The following CHRM5 variants were observed in gnomAD, a reference collection of about 807,000 sequenced individuals.
CHRM5 encodes muscarinic acetylcholine receptor M5.
A neutral mutation model predicts 39.0 loss-of-function variants in CHRM5; 18 were observed. The observed-to-expected ratio is 0.46, with a 90% CI of 0.32 to 0.68. CHRM5 has a LOEUF of 0.68. Among genes scored for constraint, CHRM5 ranks in the 30% least tolerant of loss-of-function variants. The pLI is 0.04. For synonymous variants in CHRM5, 241 were observed against 246.3 expected, an observed-to-expected ratio of 0.98 and a Z score of 0.20; for missense variants, 515 against 651.1, an observed-to-expected ratio of 0.79 and a Z score of 2.28.
chr15:34,062,574 A>C lies in CHRM5; in HGVS notation c.-75-69A>C, dbSNP rs565600224. The C allele has an allele frequency of 8.5e-4, 611 of 715,760 alleles. 7 individuals are homozygous for C. In the African/African-American group the frequency reaches 9.9e-3, roughly 12 times the overall value. 44.3% of individuals were successfully genotyped at this position (715,760 alleles called of 1,614,324 possible). ...TGTCTCAAAAAAAAAAAAAAAAAAA[A>C]CTATAAACAATGGATGGACAAGAAA... On this transcript the variant is annotated intron_variant, in intron 2 of 2. Coordinates refer to ENST00000383263, the MANE Select transcript of CHRM5 (RefSeq NM_012125.4).
intron 1 of CHRM5, among the ~76,000 whole-genome samples, chr15:33,974,187 G>C (rs1451015619): frequency 6.6e-6 from 1 of 152,112 alleles, no homozygotes; most frequent in Non-Finnish European, 1.5e-5. Flanking sequence ...AATTGGTCTT[G>C]CTATTAAAAA....
At chr15:33,990,359 G>A (rs1395458454) in intron 1 of CHRM5, among the ~76,000 whole-genome samples, 3 of 152,044 alleles carry the variant, frequency 2.0e-5, no homozygotes, top group Admixed American at 6.6e-5. Flanking sequence ...TCCAGCATGG[G>A]CGACAGAGTG....
At chr15:34,024,472 CA>C (rs10531898) in intron 1 of CHRM5, among the ~76,000 whole-genome samples, 16,674 of 101,328 alleles carry the variant, frequency 0.16, 766 homozygotes, top group Middle Eastern at 0.25. Flanking sequence ...GACCCTGTCT[CA>C]AAAAAAAAAA....
chr15:33,969,282 A>C (rs1337268920), intron 1 of CHRM5, 132 bp downstream of exon 1: 1 of 152,114 alleles, frequency 6.6e-6, no homozygotes, highest in Non-Finnish European at 1.5e-5. Flanking sequence ...AAGCTGAGGT[A>C]AACGCTTGTT....
chr15:33,994,256 C>A (rs1340654969), intron 1 of CHRM5, among the ~76,000 whole-genome samples: 3 of 152,172 alleles, frequency 2.0e-5, no homozygotes, highest in African/African-American at 7.2e-5. Context: ...GGAGCCAAAC[C>A]CTATTGTGAA....
intron 1 of CHRM5, among the ~76,000 whole-genome samples, chr15:34,043,304 T>C (rs1415620945): frequency 6.6e-6 from 1 of 151,524 alleles, no homozygotes; most frequent in Non-Finnish European, 1.5e-5. Context: ...GAAAAGTAGA[T>C]GTTATGATAG....
intron 2 of CHRM5, among the ~76,000 whole-genome samples, chr15:34,057,843 A>C (rs1425356161): frequency 1.3e-5 from 2 of 152,232 alleles, no homozygotes; most frequent in African/African-American, 4.8e-5. Flanking sequence ...CTAGGTTTTT[A>C]ATCTGAAGCT....
intron 1 of CHRM5, among the ~76,000 whole-genome samples, chr15:34,016,270 T>TTA (rs939516785): frequency 1.3e-5 from 2 of 152,010 alleles, no homozygotes; most frequent in African/African-American, 4.8e-5. Context: ...GGAAAGCAAC[T>TTA]TATCTCTCCT....
At chr15:33,990,157 T>C (rs547996994) in intron 1 of CHRM5, among the ~76,000 whole-genome samples, 1 of 151,612 alleles carries the variant, frequency 6.6e-6, no homozygotes, top group South Asian at 2.1e-4. Flanking sequence ...TGAGCCGAGA[T>C]TGCATCGTTG....
At chr15:34,055,266 G>A (rs1900092483) in intron 2 of CHRM5, among the ~76,000 whole-genome samples, 2 of 151,708 alleles carry the variant, frequency 1.3e-5, no homozygotes, top group African/African-American at 4.8e-5. Context: ...GGGAGGCCGA[G>A]GTGGGTGGAT....
rs1895491550 is a variant in CHRM5 at position 33,968,649 on chromosome 15, G to A, written c.-909G>A. ...AAATGCCTTCATCTTCTACAGAAAGGAAGCTGATGGACTGAAAAGTTCGTA... is the reference window on the plus strand; with the variant it reads ...AAATGCCTTCATCTTCTACAGAAAGAAAGCTGATGGACTGAAAAGTTCGTA... On this transcript the variant is annotated 5_prime_UTR_variant, in exon 1 of 3. Coordinates refer to ENST00000383263, the MANE Select transcript of CHRM5 (RefSeq NM_012125.4). 1 of 152,124 alleles carries A rather than the reference G, an allele frequency of 6.6e-6. No homozygotes were observed. Among genetic ancestry groups the A allele is most frequent in the Non-Finnish European group, 1.5e-5 (1 of 67,976 alleles). The allele number at this position is 152,124 out of a possible 1,614,324, so 9.4% of individuals were successfully genotyped here.
At chr15:33,987,223 C>T (rs1896515078) in intron 1 of CHRM5, among the ~76,000 whole-genome samples, 1 of 152,202 alleles carries the variant, frequency 6.6e-6, no homozygotes, top group African/African-American at 2.4e-5. Flanking sequence ...TAAGAATGTA[C>T]AATGCAGTAT....
At position 34,013,366 on chromosome 15, in the gene CHRM5, G is replaced by A. The variant is rs115994132; in HGVS notation, c.-407-33174G>A. 9.9e-3 allele frequency among the ~76,000 whole-genome samples: 1,507 copies of A among 152,250 alleles called. 35 individuals carry two copies. Among genetic ancestry groups the A allele is most frequent in the African/African-American group, 0.035 (1,439 of 41,536 alleles). On this transcript the variant is annotated intron_variant, in intron 1 of 2. Transcript: ENST00000383263. The stretch of plus-strand genomic sequence containing the variant: ...TGTGAGCCACTGGGCCTGGCCAAAT[G>A]TTTTAAATAAAATGAAAATAAAAAC...
intron 1 of CHRM5, among the ~76,000 whole-genome samples, chr15:34,030,635 G>A (rs1898743765): frequency 6.6e-6 from 1 of 151,220 alleles, no homozygotes; most frequent in African/African-American, 2.4e-5. Flanking sequence ...GCCTGGTTTG[G>A]GGGGTTTTGT....
At chr15:34,013,315 G>A (rs145416368) in intron 1 of CHRM5, among the ~76,000 whole-genome samples, 2,467 of 152,270 alleles carry the variant, frequency 0.016, 68 homozygotes, top group African/African-American at 0.054. Flanking sequence ...ATCTGCCTTG[G>A]CCTCCCAAAG....
chr15:33,998,290 A>G (rs1455300791), intron 1 of CHRM5, among the ~76,000 whole-genome samples: 5 of 152,114 alleles, frequency 3.3e-5, no homozygotes, highest in African/African-American at 1.2e-4. Context: ...TTCTGGATCT[A>G]TCAACAAGTA....
chr15:34,030,644 G>A (rs989901838), intron 1 of CHRM5, among the ~76,000 whole-genome samples: 2 of 151,206 alleles, frequency 1.3e-5, no homozygotes, highest in Admixed American at 6.6e-5. Flanking sequence ...GGGGGGTTTT[G>A]TTGAGAAAGA....
intron 1 of CHRM5, among the ~76,000 whole-genome samples, chr15:34,001,102 C>T (rs568890096): frequency 4.7e-5 from 7 of 149,604 alleles, no homozygotes; most frequent in Admixed American, 1.3e-4. Context: ...CTCACTACAA[C>T]CCCCACCTCC....
At chr15:34,031,828 G>C (rs1012671548) in intron 1 of CHRM5, among the ~76,000 whole-genome samples, 1 of 152,054 alleles carries the variant, frequency 6.6e-6, no homozygotes, top group African/African-American at 2.4e-5. Context: ...ACATCAGTTT[G>C]TATTTCTTTT....
Sources: allele counts gnomAD v4.1 joint callset (sites outside exome capture counted in the v4.1 genomes callset), GRCh38; gene constraint gnomAD v4.1.1; transcripts MANE v1.5; gene names NCBI Gene and HGNC (gene_info 2026-07-23, HGNC 2026-07-21).